The following CACNA2D3 variants were observed in gnomAD, a reference collection of about 807,000 sequenced individuals.
CACNA2D3 encodes voltage-dependent calcium channel subunit alpha-2/delta-3.
In CACNA2D3, 60 loss-of-function variants were observed where a neutral mutation model predicts 160.6. The ratio of observed to expected loss-of-function variants is 0.37; its 90% CI spans 0.30 to 0.46. The LOEUF (loss-of-function observed/expected upper bound fraction) is 0.46. Among genes scored for constraint, CACNA2D3 ranks in the 20% least tolerant of loss-of-function variants. The pLI is 1.00. For missense variants in CACNA2D3, 1,205 were observed against 1,365.0 expected (o/e 0.88, Z 1.85); for synonymous variants, 558 against 492.9 (o/e 1.13, Z -1.75).
intron 9 of CACNA2D3, among the ~76,000 whole-genome samples, chr3:54,589,556 GA>G (rs34059644): frequency 1.3e-5 from 2 of 150,158 alleles, no homozygotes; most frequent in African/African-American, 2.4e-5. Flanking sequence ...TCATTAAAAT[GA>G]AAAAAAAAGA....
intron 32 of CACNA2D3, among the ~76,000 whole-genome samples, chr3:55,006,428 A>G (rs1446344843): frequency 6.6e-6 from 1 of 152,142 alleles, no homozygotes; most frequent in Non-Finnish European, 1.5e-5. Flanking sequence ...CCCAGCAGAT[A>G]CAAAGACACA....
intron 17 of CACNA2D3, among the ~76,000 whole-genome samples, chr3:54,851,432 G>A (rs552503529): frequency 7.2e-5 from 11 of 152,242 alleles, no homozygotes; most frequent in South Asian, 2.1e-4. Context: ...CTAAGGTGAC[G>A]TCTCCCAGAT....
At chr3:54,248,260 C>T (rs367609587) in intron 2 of CACNA2D3, among the ~76,000 whole-genome samples, 23 of 152,182 alleles carry the variant, frequency 1.5e-4, no homozygotes, top group African/African-American at 5.3e-4. Flanking sequence ...GCAGTTGGAT[C>T]TCCTGAGGTC....
chr3:54,537,735 C>G (rs1043372587), intron 5 of CACNA2D3, among the ~76,000 whole-genome samples: 2 of 152,078 alleles, frequency 1.3e-5, no homozygotes, highest in African/African-American at 4.8e-5. Context: ...GTTTGTTTGC[C>G]TTGAGGTCCT....
chr3:54,836,116 C>T (rs948048593), intron 14 of CACNA2D3, among the ~76,000 whole-genome samples: 2 of 151,804 alleles, frequency 1.3e-5, no homozygotes, highest in Non-Finnish European at 2.9e-5. Context: ...TCTCCCAACA[C>T]TGTGTAAAAA....
chr3:54,322,818 TAAAA>T (rs377641296), intron 3 of CACNA2D3, among the ~76,000 whole-genome samples: 8 of 143,576 alleles, frequency 5.6e-5, no homozygotes, highest in Non-Finnish European at 1.1e-4. Flanking sequence ...TTAGTGAAGA[TAAAA>T]AAAAAAAGAC....
At chr3:54,135,990 G>C (rs1270919071) in intron 2 of CACNA2D3, among the ~76,000 whole-genome samples, 1 of 152,250 alleles carries the variant, frequency 6.6e-6, no homozygotes, top group Non-Finnish European at 1.5e-5. Context: ...GACAGGGGGA[G>C]GCAGCCCTGA....
chr3:54,762,866 C>T (rs926592857), intron 12 of CACNA2D3, among the ~76,000 whole-genome samples: 2 of 151,954 alleles, frequency 1.3e-5, no homozygotes, highest in Non-Finnish European at 1.5e-5. Context: ...CCGAGGCAGG[C>T]GGATCACGAG....
At chr3:54,402,578 A>G (rs1335872766) in intron 4 of CACNA2D3, among the ~76,000 whole-genome samples, 2 of 152,192 alleles carry the variant, frequency 1.3e-5, no homozygotes, top group South Asian at 2.1e-4. Flanking sequence ...CAATTCATCA[A>G]GAGGACATAA....
intron 16 of CACNA2D3, among the ~76,000 whole-genome samples, chr3:54,839,217 C>T (rs1297707589): frequency 6.6e-6 from 1 of 152,144 alleles, no homozygotes; most frequent in Non-Finnish European, 1.5e-5. Flanking sequence ...GAAATCGCAC[C>T]ACTGCACTGC....
chr3:54,234,699 T>C (rs1218373718), intron 2 of CACNA2D3, among the ~76,000 whole-genome samples: 3 of 152,210 alleles, frequency 2.0e-5, no homozygotes, highest in African/African-American at 7.2e-5. Context: ...TGAGATCATG[T>C]CCTTTGCAGG....
chr3:54,631,662 A>G (rs1034196142), intron 10 of CACNA2D3, among the ~76,000 whole-genome samples: 2 of 152,184 alleles, frequency 1.3e-5, no homozygotes, highest in Non-Finnish European at 2.9e-5. Context: ...CAGTTTTGGT[A>G]TTTGCTCAGA....
At chr3:54,972,834 T>A (rs945868564) in intron 29 of CACNA2D3, among the ~76,000 whole-genome samples, 2 of 152,138 alleles carry the variant, frequency 1.3e-5, no homozygotes, top group African/African-American at 2.4e-5. Flanking sequence ...CCAGGGTGAA[T>A]GTTAACTTCC....
rs767313045 is a variant in CACNA2D3 at position 54,885,475 on chromosome 3, T to C, written c.1959-14T>C. On this transcript the variant is annotated splice_polypyrimidine_tract_variant and intron_variant, in intron 22 of 37. Transcript: ENST00000474759. Reference sequence around the variant, plus strand: ...ATTGACATGCTCTTGTTTTGGGCCATGTCATGTTCTTAGGTCCTACTGCAA... The same window carrying C: ...ATTGACATGCTCTTGTTTTGGGCCACGTCATGTTCTTAGGTCCTACTGCAA... 1.2e-6 allele frequency: 2 copies of C among 1,610,710 alleles called. No homozygotes were observed. Among genetic ancestry groups the C allele is most frequent in the South Asian group, 1.1e-5 (1 of 90,904 alleles).
At chr3:54,390,168 A>G (rs1345087094) in intron 4 of CACNA2D3, among the ~76,000 whole-genome samples, 1 of 152,172 alleles carries the variant, frequency 6.6e-6, no homozygotes, top group Non-Finnish European at 1.5e-5. Flanking sequence ...GGGATTACTT[A>G]TCCTTCAGCA....
intron 3 of CACNA2D3, among the ~76,000 whole-genome samples, chr3:54,364,759 A>T (rs919522054): frequency 5.9e-5 from 9 of 152,234 alleles, no homozygotes; most frequent in African/African-American, 2.2e-4. Flanking sequence ...TACTTGTTCC[A>T]AACTAAATAT....
chr3:54,664,661 C>G (rs1700031454), intron 11 of CACNA2D3, among the ~76,000 whole-genome samples: 1 of 152,202 alleles, frequency 6.6e-6, no homozygotes, highest in Non-Finnish European at 1.5e-5. Flanking sequence ...TTTTCACAAA[C>G]TTGAGAAAGT....
Position 54,337,133 on chromosome 3 carries a change from C to T in CACNA2D3, c.321+16575C>T, listed in dbSNP as rs112277376. On this transcript the variant is annotated intron_variant, in intron 3 of 37. Coordinates refer to ENST00000474759, the MANE Select transcript of CACNA2D3 (RefSeq NM_018398.3). ...CCGCACACACGGTGGTAGGCAGATA[C>T]GGCAAATGGTGATGGTGGTATGCTG... Among the ~76,000 whole-genome samples, 964 of 152,268 alleles carry T rather than the reference C, an allele frequency of 6.3e-3. 17 individuals are homozygous for T. The highest frequency in any genetic ancestry group is 0.022 in the African/African-American group (905 of 41,536).
intron 12 of CACNA2D3, among the ~76,000 whole-genome samples, chr3:54,757,748 A>C (rs1701999998): frequency 1.3e-5 from 2 of 152,186 alleles, no homozygotes; most frequent in South Asian, 4.1e-4. Flanking sequence ...TGATCCTCCC[A>C]AAGGCTCTAT....
Sources: gnomAD v4.1 joint callset for allele counts (sites outside exome capture counted in the v4.1 genomes callset) on GRCh38, gnomAD v4.1.1 for gene constraint, MANE v1.5 for transcripts, NCBI Gene and HGNC (gene_info 2026-07-23, HGNC 2026-07-21) for gene names.